OXNAD1: variants seen among roughly 807,000 people sequenced by gnomAD.
OXNAD1 encodes oxidoreductase NAD binding domain containing 1.
OXNAD1 carries 34 observed loss-of-function variants against 32.9 expected under a neutral mutation model. The ratio of observed to expected loss-of-function variants is 1.03; its 90% CI spans 0.79 to 1.38. OXNAD1 has a LOEUF of 1.38. Among genes scored for constraint, OXNAD1 ranks in the 40% most tolerant of loss-of-function variants. OXNAD1 has a pLI of 0.00. For missense variants in OXNAD1, 407 were observed against 379.4 expected (o/e 1.07, Z -0.60); for synonymous variants, 134 against 135.2 (o/e 0.99, Z 0.06).
At position 16,329,312 on chromosome 3, in the gene OXNAD1, C is replaced by T. The variant is rs1261472359; in HGVS notation, c.*31-7800C>T. Among the ~76,000 whole-genome samples the T allele has an allele frequency of 6.6e-6, 1 of 151,990 alleles. No individual in the cohort carries two copies. The highest frequency in any genetic ancestry group is 1.9e-4 in the East Asian group (1 of 5,180). ...GATCTCAGGTATCCTGTTACAACAGCACAAGTGGACCGAGACAGGGCGGAA... is the reference window on the plus strand; with the variant it reads ...GATCTCAGGTATCCTGTTACAACAGTACAAGTGGACCGAGACAGGGCGGAA... On this transcript the variant is annotated intron_variant, in intron 9 of 9. Coordinates refer to the OXNAD1 transcript ENST00000435829. The surrounding 1 kb of genome is among the most constrained non-coding windows in gnomAD (Gnocchi z 4.5).
At chr3:16,267,495 T>C (rs112762908) in intron 1 of OXNAD1, among the ~76,000 whole-genome samples, 4,772 of 138,850 alleles carry the variant, frequency 0.034, 106 homozygotes, top group Middle Eastern at 0.088. Context: ...CTTGGTTCCT[T>C]TAACATGCCG....
intron 9 of OXNAD1, among the ~76,000 whole-genome samples, chr3:16,331,116 GA>G (rs2070263740): frequency 6.6e-6 from 1 of 152,224 alleles, no homozygotes; most frequent in Non-Finnish European, 1.5e-5. Context: ...AGTGACTGGG[GA>G]CAGTTTGCCT....
At chr3:16,343,146 T>G (rs2071420678) in intron 9 of OXNAD1, among the ~76,000 whole-genome samples, 1 of 152,132 alleles carries the variant, frequency 6.6e-6, no homozygotes. Flanking sequence ...AGCCAGAATG[T>G]GAATTTTTAA....
rs562917724 is a variant in OXNAD1 at position 16,329,006 on chromosome 3, A to G, written c.*31-8106A>G. On this transcript the variant is annotated intron_variant, in intron 9 of 9. Transcript: ENST00000435829. This position sits in a 1 kb window ranked among gnomAD's most constrained non-coding sequence, Gnocchi z 4.5. Reference sequence around the variant, plus strand: ...TGAATGTATCCCCCAAAAAGTTTCCATGTGTTGAAAACTTAATCCCCAATG... The same window carrying G: ...TGAATGTATCCCCCAAAAAGTTTCCGTGTGTTGAAAACTTAATCCCCAATG... Among the ~76,000 whole-genome samples the G allele has an allele frequency of 4.8e-4, 73 of 152,370 alleles. No homozygotes were observed. Among genetic ancestry groups the G allele is most frequent in the Non-Finnish European group, 1.0e-3 (68 of 68,032 alleles).
Position 16,265,959 on chromosome 3 carries a change from C to T in OXNAD1, c.-159+454C>T. On this transcript the variant is annotated intron_variant, in intron 1 of 8. Transcript: ENST00000285083. This position sits in a 1 kb window ranked among gnomAD's most constrained non-coding sequence, Gnocchi z 4.8. ...CTTGAAGCGAAATGCAGATAAAAGGCATTTTTGTCTTGAAAGCAGTGCTAG... is the reference window on the plus strand; with the variant it reads ...CTTGAAGCGAAATGCAGATAAAAGGTATTTTTGTCTTGAAAGCAGTGCTAG... 1 of 945,308 alleles carries T rather than the reference C, an allele frequency of 1.1e-6. No individual in the cohort carries two copies. 58.6% of individuals were successfully genotyped at this position (945,308 alleles called of 1,614,324 possible).
rs1314185322 is a variant in OXNAD1 at position 16,298,803 on chromosome 3, G to A, written c.433-2823G>A. On this transcript the variant is annotated intron_variant, in intron 6 of 8. Transcript: ENST00000285083. The surrounding 1 kb of genome is among the most constrained non-coding windows in gnomAD (Gnocchi z 5.1). ...TGTGGAAAGGTTGTTTATTTCACAAGTAGAAAATCTATACCAAAATTAGAT... is the reference window on the plus strand; with the variant it reads ...TGTGGAAAGGTTGTTTATTTCACAAATAGAAAATCTATACCAAAATTAGAT... Among the ~76,000 whole-genome samples the A allele has an allele frequency of 2.6e-5, 4 of 152,180 alleles. No individual in the cohort carries two copies. The highest frequency in any genetic ancestry group is 5.9e-5 in the Non-Finnish European group (4 of 68,042).
downstream of OXNAD1, among the ~76,000 whole-genome samples, chr3:16,308,042 A>G (rs570232093): frequency 2.4e-4 from 36 of 152,348 alleles, no homozygotes; most frequent in African/African-American, 7.2e-4. The surrounding 1 kb of genome is among the most constrained non-coding windows in gnomAD (Gnocchi z 4.4). Context: ...AGCATCTGCT[A>G]TGTGCGGTCA....
chr3:16,272,861 G>A (rs183638623), intron 4 of OXNAD1, among the ~76,000 whole-genome samples: 6 of 151,744 alleles, frequency 4.0e-5, no homozygotes, highest in Admixed American at 2.6e-4. Context: ...AAAAAAAAAA[G>A]TGATTTATCT....
chr3:16,323,611 G>C (rs2069336550), intron 9 of OXNAD1, among the ~76,000 whole-genome samples: 1 of 152,104 alleles, frequency 6.6e-6, no homozygotes, highest in South Asian at 2.1e-4. Flanking sequence ...CCGCTCCCAG[G>C]CCATCCAACC....
chr3:16,303,271 A>G lies in OXNAD1; in HGVS notation c.785-137A>G. 3.3e-5 allele frequency: 33 copies of G among 996,436 alleles called. No homozygotes were observed. Among genetic ancestry groups the G allele is most frequent in the Non-Finnish European group, 4.9e-5 (33 of 668,242 alleles). The allele number at this position is 996,436 out of a possible 1,614,324, so 61.7% of individuals were successfully genotyped here. A position where few individuals can be genotyped will look rare whatever the true frequency, so the allele number is the denominator to read the frequency against. ...CTGGGCCCAGATGCCAATAGGAGCC[A>G]TACTGTGAATGGCTTAAGAAGACTA... is the stretch of plus-strand genomic sequence containing the variant. On this transcript the variant is annotated intron_variant, in intron 8 of 8. Transcript: ENST00000285083. This position sits in a 1 kb window ranked among gnomAD's most constrained non-coding sequence, Gnocchi z 4.8.
rs1258073123 is a variant in OXNAD1 at position 16,287,991 on chromosome 3, C to T, written c.290+1543C>T. 6.6e-6 allele frequency among the ~76,000 whole-genome samples: 1 copy of T among 152,160 alleles called. No individual in the cohort carries two copies. The highest frequency in any genetic ancestry group is 1.9e-4 in the East Asian group (1 of 5,200). The stretch of plus-strand genomic sequence containing the variant: ...CTGGCTGGTAGTGTGTGACGCTTTC[C>T]CTCCCAGGTGTTGATCAGCATTCAT... On this transcript the variant is annotated intron_variant, in intron 5 of 8. Transcript: ENST00000285083. This position sits in a 1 kb window ranked among gnomAD's most constrained non-coding sequence, Gnocchi z 4.8.
Position 16,322,056 on chromosome 3 carries a change from G to A in OXNAD1, c.*31-15056G>A, listed in dbSNP as rs143782458. Among the ~76,000 whole-genome samples the A allele has an allele frequency of 9.2e-5, 14 of 152,294 alleles. No homozygotes were observed. The highest frequency in any genetic ancestry group is 2.0e-4 in the Admixed American group (3 of 15,296). On this transcript the variant is annotated intron_variant, in intron 9 of 9. Transcript: ENST00000435829. This position sits in a 1 kb window ranked among gnomAD's most constrained non-coding sequence, Gnocchi z 6.2. ...TCAGCATCTGACAGGGGCCCTTTGC[G>A]TGCTGTGTGTTGAATGTTGCACTTG...
chr3:16,333,670 CAT>C (rs934627646), intron 9 of OXNAD1, among the ~76,000 whole-genome samples: 1 of 151,844 alleles, frequency 6.6e-6, no homozygotes, highest in Non-Finnish European at 1.5e-5. Context: ...CATAAAAACT[CAT>C]ATGATATAAA....
chr3:16,269,385 T>G (rs2064772085), intron 2 of OXNAD1, 110 bp downstream of exon 2: 4 of 1,186,944 alleles, frequency 3.4e-6, no homozygotes, highest in Non-Finnish European at 3.5e-6. Flanking sequence ...AGAGGCCTTC[T>G]GCTTTTTTCA....
chr3:16,342,682 C>T lies in OXNAD1; in HGVS notation c.*31-6494C>T, dbSNP rs1358670185. Among the ~76,000 whole-genome samples, 1 of 152,182 alleles carries T rather than the reference C, an allele frequency of 6.6e-6. No homozygotes were observed. The highest frequency in any genetic ancestry group is 1.5e-5 in the Non-Finnish European group (1 of 68,034). On this transcript the variant is annotated intron_variant, in intron 9 of 9. Transcript: ENST00000606098. This position sits in a 1 kb window ranked among gnomAD's most constrained non-coding sequence, Gnocchi z 4.0. The stretch of plus-strand genomic sequence containing the variant: ...GGCCTCACTAGACTAGTTCTCAAGC[C>T]TTCTTAAGTCTAATTTGCCAAGCCT...
At chr3:16,338,757 C>A (rs2071096349), downstream of OXNAD1, among the ~76,000 whole-genome samples, 1 of 152,088 alleles carries the variant, frequency 6.6e-6, no homozygotes, top group Non-Finnish European at 1.5e-5. This position sits in a 1 kb window ranked among gnomAD's most constrained non-coding sequence, Gnocchi z 5.3. Flanking sequence ...TGATTTTTCA[C>A]CTTATGTATT....
At chr3:16,338,473 G>A (rs1460892843), downstream of OXNAD1, among the ~76,000 whole-genome samples, 2 of 152,220 alleles carry the variant, frequency 1.3e-5, no homozygotes, top group African/African-American at 2.4e-5. The surrounding 1 kb of genome is among the most constrained non-coding windows in gnomAD (Gnocchi z 5.3). Context: ...AATAGCACAG[G>A]GCTCCTGTCC....
intron 9 of OXNAD1, among the ~76,000 whole-genome samples, chr3:16,324,615 C>CCCCG: frequency 7.1e-6 from 1 of 141,392 alleles, no homozygotes; most frequent in Middle Eastern, 3.8e-3. Flanking sequence ...TGTCCCTGAC[C>CCCCG]CCCCCCCTTT....
At chr3:16,275,706 G>T in intron 4 of OXNAD1, 1 of 174,060 alleles carries the variant, frequency 5.7e-6, no homozygotes, top group South Asian at 1.5e-4. Flanking sequence ...TTAGAAAAAT[G>T]GCAATAATAG....
Sources: gnomAD v4.1 joint callset for allele counts (sites outside exome capture counted in the v4.1 genomes callset) on GRCh38, gnomAD v4.1.1 for gene constraint, Gnocchi (gnomAD v3.1) non-coding constraint, MANE v1.5 for transcripts, NCBI Gene and HGNC (gene_info 2026-07-23, HGNC 2026-07-21) for gene names.